RASSF5: variants seen among roughly 807,000 people sequenced by gnomAD.
RASSF5 encodes the protein Ras association domain family member 5.
RASSF5 carries 25 observed loss-of-function variants against 40.5 expected under a neutral mutation model. The observed-to-expected ratio is 0.62, with a 90% CI of 0.45 to 0.86. The LOEUF (loss-of-function observed/expected upper bound fraction) is 0.86, where lower values mean the gene tolerates loss of function less well. Among genes scored for constraint, RASSF5 ranks in the 40% least tolerant of loss-of-function variants. The probability of loss-of-function intolerance (pLI) is 0.00; values close to 1 mark genes in which losing one functional copy is unlikely to be tolerated. For synonymous variants in RASSF5, 246 were observed against 252.4 expected, an observed-to-expected ratio of 0.97 and a Z score of 0.24; for missense variants, 521 against 572.8, an observed-to-expected ratio of 0.91 and a Z score of 0.92.
chr1:206,523,195 T>G (rs1326716774), intron 1 of RASSF5, among the ~76,000 whole-genome samples: 1 of 150,580 alleles, frequency 6.6e-6, no homozygotes, highest in Non-Finnish European at 1.5e-5. Context: ...TCCCAGCTAC[T>G]TGGGAGGCTG....
chr1:206,566,914 A>T (rs183035240), intron 2 of RASSF5, among the ~76,000 whole-genome samples: 101 of 152,278 alleles, frequency 6.6e-4, no homozygotes, highest in African/African-American at 2.1e-3. Context: ...GGTTTGACAG[A>T]GGAGGAGTGG....
intron 2 of RASSF5, among the ~76,000 whole-genome samples, chr1:206,559,662 G>A (rs528879065): frequency 6.6e-6 from 1 of 152,354 alleles, no homozygotes; most frequent in South Asian, 2.1e-4. Flanking sequence ...GCCCTCAGAA[G>A]ACAGGAATCC....
intron 2 of RASSF5, among the ~76,000 whole-genome samples, chr1:206,564,436 C>G (rs1668229138): frequency 6.6e-6 from 1 of 152,158 alleles, no homozygotes; most frequent in Non-Finnish European, 1.5e-5. Context: ...AGCAATTTCA[C>G]TTACAGTTTG....
intron 1 of RASSF5, among the ~76,000 whole-genome samples, chr1:206,532,068 AT>A (rs1553398039): frequency 2.0e-5 from 3 of 151,440 alleles, no homozygotes; most frequent in African/African-American, 7.3e-5. Context: ...GAAAAAAAAA[AT>A]CTTTGGTAAA....
intron 2 of RASSF5, chr1:206,557,349 A>G (rs754417742): frequency 6.7e-4 from 882 of 1,307,352 alleles, no homozygotes; most frequent in Non-Finnish European, 8.1e-4. Flanking sequence ...GCGCGGGGAC[A>G]GGAGCAGGTT....
Position 206,587,142 on chromosome 1 carries a change from C to T in RASSF5, c.*164C>T, listed in dbSNP as rs7541244. 0.18 allele frequency: 155,714 copies of T among 863,092 alleles called. 15,565 individuals carry two copies. The highest frequency in any genetic ancestry group is 0.24 in the East Asian group (8,769 of 35,852). The allele number at this position is 863,092 out of a possible 1,614,324, so 53.5% of individuals were successfully genotyped here. ...TCTCTTCCATGGACAAGTGTTTGCACGAGGGTTCAGCTGTGCCCGCCCCCA... is the reference window on the plus strand; with the variant it reads ...TCTCTTCCATGGACAAGTGTTTGCATGAGGGTTCAGCTGTGCCCGCCCCCA... On this transcript the variant is annotated 3_prime_UTR_variant, in exon 6 of 6. Transcript: ENST00000579436.
chr1:206,526,699 C>T (rs1667105549), intron 1 of RASSF5, among the ~76,000 whole-genome samples: 1 of 152,252 alleles, frequency 6.6e-6, no homozygotes, highest in East Asian at 1.9e-4. Flanking sequence ...CCATTAAAGG[C>T]AGAAGTTGGA....
intron 1 of RASSF5, among the ~76,000 whole-genome samples, chr1:206,516,769 T>C (rs1263058852): frequency 6.6e-6 from 1 of 152,170 alleles, no homozygotes; most frequent in East Asian, 1.9e-4. Context: ...GACTCATATT[T>C]TAAAGTTCCC....
At chr1:206,550,073 G>T (rs1232483578) in intron 2 of RASSF5, among the ~76,000 whole-genome samples, 1 of 152,098 alleles carries the variant, frequency 6.6e-6, no homozygotes, top group East Asian at 1.9e-4. Context: ...GCTTCAGGGG[G>T]TTTTCCAGGC....
Position 206,579,390 on chromosome 1 carries a change from C to T in RASSF5, c.580-3879C>T, listed in dbSNP as rs1282139531. ...AGGCAAAACTGTCTGCTTGGTTTCT[C>T]GCTTTGTACCCGTGGACAGATCCTT... On this transcript the variant is annotated intron_variant, in intron 2 of 5. Coordinates refer to ENST00000579436, the MANE Select transcript of RASSF5 (RefSeq NM_182663.4). This position sits in a 1 kb window ranked among gnomAD's most constrained non-coding sequence, Gnocchi z 4.2. 5.3e-5 allele frequency among the ~76,000 whole-genome samples: 8 copies of T among 152,216 alleles called. No individual in the cohort carries two copies. The highest frequency in any genetic ancestry group is 7.3e-5 in the Non-Finnish European group (5 of 68,040).
chr1:206,545,516 GT>G (rs67689534), intron 2 of RASSF5, among the ~76,000 whole-genome samples: 90,627 of 151,368 alleles, frequency 0.6, 27,343 homozygotes, highest in East Asian at 0.75. Flanking sequence ...TATTTTTTGA[GT>G]TTTTTTATAG....
intron 2 of RASSF5, among the ~76,000 whole-genome samples, chr1:206,539,352 T>C (rs1667490934): frequency 6.6e-6 from 1 of 152,122 alleles, no homozygotes; most frequent in Non-Finnish European, 1.5e-5. Context: ...TGAGAAACTA[T>C]ACTGGGGGAC....
At chr1:206,554,615 C>T (rs183506937) in intron 2 of RASSF5, among the ~76,000 whole-genome samples, 63 of 152,260 alleles carry the variant, frequency 4.1e-4, no homozygotes, top group African/African-American at 1.4e-3. Flanking sequence ...CATCTCAGGG[C>T]CTTAAAGGCT....
At chr1:206,522,011 T>G (rs970793022) in intron 1 of RASSF5, among the ~76,000 whole-genome samples, 1 of 152,238 alleles carries the variant, frequency 6.6e-6, no homozygotes, top group Non-Finnish European at 1.5e-5. Context: ...TAAACCCAAC[T>G]GCCTACAGTG....
chr1:206,551,476 G>T (rs1553401028), intron 2 of RASSF5, among the ~76,000 whole-genome samples: 3 of 152,232 alleles, frequency 2.0e-5, no homozygotes, highest in African/African-American at 7.2e-5. Context: ...CACTTTAGAA[G>T]CCAGAAGTGC....
rs1352326800 is a variant in RASSF5 at position 206,531,879 on chromosome 1, A to AAT, written c.458-6292_458-6291insTA. Among the ~76,000 whole-genome samples the AAT allele has an allele frequency of 1.9e-3, 279 of 149,470 alleles. 1 individual carries two copies. The highest frequency in any genetic ancestry group is 6.8e-3 in the African/African-American group (269 of 39,736). On this transcript the variant is annotated intron_variant, in intron 1 of 5. Transcript: ENST00000579436. The surrounding 1 kb of genome is among the most constrained non-coding windows in gnomAD (Gnocchi z 4.7). ...AGTGAAACCCTGTCTCTACTAAAAAAAAATAAATAAATAAATACAAAAATT... is the reference window on the plus strand; with the variant it reads ...AGTGAAACCCTGTCTCTACTAAAAAAATAAATAAATAAATAAATACAAAAATT...
intron 1 of RASSF5, among the ~76,000 whole-genome samples, chr1:206,523,835 A>AT (rs1667004086): frequency 9.4e-6 from 1 of 106,306 alleles, no homozygotes; most frequent in East Asian, 2.4e-4. Context: ...TATATAATAT[A>AT]TTTTATATAT....
intron 2 of RASSF5, among the ~76,000 whole-genome samples, chr1:206,575,271 T>C (rs1236617362): frequency 6.6e-6 from 1 of 152,168 alleles, no homozygotes; most frequent in Non-Finnish European, 1.5e-5. Flanking sequence ...AGGAGGGGCC[T>C]GAGGCTTTCC....
intron 2 of RASSF5, chr1:206,543,175 C>T (rs1553399629): frequency 1.3e-5 from 2 of 149,426 alleles, no homozygotes; most frequent in Non-Finnish European, 2.9e-5. Flanking sequence ...ATGATCATGC[C>T]ACATGCCACT....
Sources: gnomAD v4.1 joint callset for allele counts (sites outside exome capture counted in the v4.1 genomes callset) on GRCh38, gnomAD v4.1.1 for gene constraint, Gnocchi (gnomAD v3.1) non-coding constraint, MANE v1.5 for transcripts, NCBI Gene and HGNC (gene_info 2026-07-23, HGNC 2026-07-21) for gene names.